TAFA4: variants seen among roughly 807,000 people sequenced by gnomAD.
TAFA4 encodes the protein TAFA chemokine like family member 4.
Under a neutral mutation model 21.1 loss-of-function variants are expected in TAFA4, and 20 were observed. That is an observed-to-expected ratio of 0.95 (90% confidence interval 0.67 to 1.38). TAFA4 has a LOEUF of 1.38. Among genes scored for constraint, TAFA4 ranks in the 40% most tolerant of loss-of-function variants. The pLI is 0.00. For synonymous variants in TAFA4, 71 were observed against 67.4 expected, an observed-to-expected ratio of 1.05 and a Z score of -0.26; for missense variants, 211 against 180.9, an observed-to-expected ratio of 1.17 and a Z score of -0.95.
At chr3:68,736,503 A>C (rs556148451) in intron 5 of TAFA4, among the ~76,000 whole-genome samples, 1 of 152,316 alleles carries the variant, frequency 6.6e-6, no homozygotes, top group South Asian at 2.1e-4. Context: ...ATGGAAAATA[A>C]AATTCTGACA....
intron 3 of TAFA4, among the ~76,000 whole-genome samples, chr3:68,873,314 C>CTG (rs2089507956): frequency 7.4e-6 from 1 of 135,456 alleles, no homozygotes; most frequent in Non-Finnish European, 1.6e-5. Flanking sequence ...GACACACACA[C>CTG]AACAGACAGA....
At chr3:68,760,468 T>A (rs1210597388) in intron 3 of TAFA4, among the ~76,000 whole-genome samples, 1 of 152,202 alleles carries the variant, frequency 6.6e-6, no homozygotes, top group Non-Finnish European at 1.5e-5. Flanking sequence ...ATGCTATTAT[T>A]TCCCTTGCAT....
intron 3 of TAFA4, among the ~76,000 whole-genome samples, chr3:68,802,733 T>A (rs138143183): frequency 1.9e-3 from 295 of 152,260 alleles, no homozygotes; most frequent in African/African-American, 6.6e-3. Context: ...TATAGAGAAA[T>A]GAGAATCTTT....
chr3:68,799,259 G>A (rs975282765), intron 3 of TAFA4, among the ~76,000 whole-genome samples: 2 of 152,160 alleles, frequency 1.3e-5, no homozygotes, highest in Non-Finnish European at 2.9e-5. Flanking sequence ...AGTTCTGGAG[G>A]CTGGGAAGTC....
chr3:68,911,288 C>G (rs763065957), intron 1 of TAFA4, among the ~76,000 whole-genome samples: 7 of 152,166 alleles, frequency 4.6e-5, no homozygotes, highest in African/African-American at 1.2e-4. Flanking sequence ...ATCATCTTCT[C>G]GTAAGGCAAA....
intron 1 of TAFA4, among the ~76,000 whole-genome samples, chr3:68,897,278 G>A (rs1282768841): frequency 6.6e-6 from 1 of 152,158 alleles, no homozygotes; most frequent in African/African-American, 2.4e-5. Context: ...TTCAGTAAGT[G>A]AACAGGACCT....
chr3:68,795,924 C>T (rs1703446371), intron 3 of TAFA4, among the ~76,000 whole-genome samples: 1 of 152,214 alleles, frequency 6.6e-6, no homozygotes, highest in South Asian at 2.1e-4. Context: ...ATGGGGCACC[C>T]CAAGCCCAGT....
chr3:68,747,992 A>G (rs767361271), intron 4 of TAFA4, among the ~76,000 whole-genome samples: 30 of 151,998 alleles, frequency 2.0e-4, no homozygotes, highest in Non-Finnish European at 3.7e-4. Context: ...TCCCTCCACC[A>G]TCATATCCTT....
Position 68,822,211 on chromosome 3 carries a change from G to A in TAFA4, c.130+58519C>T, listed in dbSNP as rs74653530. On this transcript the variant is annotated intron_variant, in intron 3 of 5. Coordinates refer to ENST00000295569, the MANE Select transcript of TAFA4 (RefSeq NM_182522.5). Reference sequence around the variant, plus strand: ...TGTTATTGAGTCAAAACAATTTAACGAGCATTTGGATGCCTACTATGTGCA... The same window carrying A: ...TGTTATTGAGTCAAAACAATTTAACAAGCATTTGGATGCCTACTATGTGCA... Among the ~76,000 whole-genome samples the A allele has an allele frequency of 8.3e-3, 1,260 of 152,234 alleles. 23 individuals are homozygous for A. Among genetic ancestry groups the A allele is most frequent in the African/African-American group, 0.029 (1,194 of 41,548 alleles).
chr3:68,816,815 G>A (rs1703989616), intron 3 of TAFA4, among the ~76,000 whole-genome samples: 1 of 152,194 alleles, frequency 6.6e-6, no homozygotes, highest in African/African-American at 2.4e-5. Context: ...ATATTCTACT[G>A]TAGTCTATTC....
At chr3:68,832,580 C>A (rs1704425673) in intron 3 of TAFA4, among the ~76,000 whole-genome samples, 1 of 152,194 alleles carries the variant, frequency 6.6e-6, no homozygotes, top group Non-Finnish European at 1.5e-5. Flanking sequence ...GGGCACCCAC[C>A]TGTATGAGGA....
chr3:68,825,896 CAA>C (rs1222942927), intron 3 of TAFA4, among the ~76,000 whole-genome samples: 1 of 152,262 alleles, frequency 6.6e-6, no homozygotes, highest in East Asian at 1.9e-4. Flanking sequence ...TTCATCAGTT[CAA>C]ACATGATTCA....
intron 3 of TAFA4, among the ~76,000 whole-genome samples, chr3:68,870,630 T>TA (rs1294602602): frequency 6.6e-6 from 1 of 152,132 alleles, no homozygotes; most frequent in Non-Finnish European, 1.5e-5. Flanking sequence ...GCAGGTTTGT[T>TA]ACATAGGTAT....
chr3:68,736,440 T>C (rs1237358671), intron 5 of TAFA4, among the ~76,000 whole-genome samples: 1 of 152,162 alleles, frequency 6.6e-6, no homozygotes, highest in Non-Finnish European at 1.5e-5. Flanking sequence ...TATCTTCATC[T>C]AAAGCTATTA....
At chr3:68,848,253 C>T (rs1173395772) in intron 3 of TAFA4, among the ~76,000 whole-genome samples, 2 of 152,184 alleles carry the variant, frequency 1.3e-5, no homozygotes, top group Non-Finnish European at 2.9e-5. Context: ...GTAGAACACA[C>T]ACGAAATTAA....
rs548876090 is a variant in TAFA4, at chr3:68,844,551, C to T, written c.130+36179G>A. Among the ~76,000 whole-genome samples the T allele has an allele frequency of 1.2e-4, 18 of 151,618 alleles. No individual in the cohort carries two copies. The East Asian group carries it at 2.9e-3, about 24-fold the overall frequency. On this transcript the variant is annotated intron_variant, in intron 3 of 5. Transcript: ENST00000295569. ...TGCTCTGATCTTAGTTATTTCTTGCCTTCTGCTAGCTTTTGAATGTGTTTG... is the reference window on the plus strand; with the variant it reads ...TGCTCTGATCTTAGTTATTTCTTGCTTTCTGCTAGCTTTTGAATGTGTTTG...
chr3:68,808,542 T>C (rs1703754604), intron 3 of TAFA4, among the ~76,000 whole-genome samples: 1 of 152,218 alleles, frequency 6.6e-6, no homozygotes, highest in Admixed American at 6.5e-5. Flanking sequence ...TTTCCTAATA[T>C]GTTATGAGCA....
intron 1 of TAFA4, among the ~76,000 whole-genome samples, chr3:68,925,376 T>C (rs995102946): frequency 6.6e-6 from 1 of 152,224 alleles, no homozygotes; most frequent in Admixed American, 6.5e-5. Context: ...TGCCAAATGA[T>C]TTAAATAGTA....
chr3:68,806,090 G>A (rs1225805631), intron 3 of TAFA4, among the ~76,000 whole-genome samples: 1 of 152,044 alleles, frequency 6.6e-6, no homozygotes, highest in Non-Finnish European at 1.5e-5. Flanking sequence ...GTGACTTTAA[G>A]TACCTGACAA....
Sources: gnomAD v4.1 joint callset for allele counts (sites outside exome capture counted in the v4.1 genomes callset) on GRCh38, gnomAD v4.1.1 for gene constraint, MANE v1.5 for transcripts, NCBI Gene and HGNC (gene_info 2026-07-23, HGNC 2026-07-21) for gene names.